The following PDE1A variants were observed in gnomAD, a reference collection of about 807,000 sequenced individuals.
PDE1A encodes the protein phosphodiesterase 1A, also known as dual specificity calcium/calmodulin-dependent 3',5'-cyclic nucleotide phosphodiesterase 1A.
Under a neutral mutation model 61.7 loss-of-function variants are expected in PDE1A, and 35 were observed. The observed-to-expected ratio is 0.57, with a 90% confidence interval of 0.43 to 0.75. The LOEUF (loss-of-function observed/expected upper bound fraction) is 0.75. Among genes scored for constraint, PDE1A ranks in the 30% least tolerant of loss-of-function variants. PDE1A has a pLI of 0.00. For synonymous variants in PDE1A, 232 were observed against 213.2 expected (o/e 1.09, Z -0.77); for missense variants, 597 against 630.6 (o/e 0.95, Z 0.57).
chr2:182,428,678 A>G (rs1459393795), upstream of PDE1A, among the ~76,000 whole-genome samples: 1 of 152,140 alleles, frequency 6.6e-6, no homozygotes, highest in African/African-American at 2.4e-5. Flanking sequence ...CATAAGAAAT[A>G]ACACATTGTA....
intron 1 of PDE1A, among the ~76,000 whole-genome samples, chr2:182,334,488 C>T (rs1184190651): frequency 2.6e-5 from 4 of 152,112 alleles, no homozygotes; most frequent in East Asian, 1.9e-4. Flanking sequence ...AATCAATAAA[C>T]GTAATCCATC....
chr2:182,445,313 G>T (rs1685063575), intron 2 of PDE1A, among the ~76,000 whole-genome samples: 1 of 152,066 alleles, frequency 6.6e-6, no homozygotes, highest in African/African-American at 2.4e-5. Context: ...GCTTTTTATT[G>T]ATAGAAAAAC....
intron 2 of PDE1A, among the ~76,000 whole-genome samples, chr2:182,449,047 CAT>C (rs1018298604): frequency 1.7e-5 from 2 of 120,620 alleles, no homozygotes; most frequent in African/African-American, 6.5e-5. Flanking sequence ...ACATCATACA[CAT>C]ACACACACAC....
the PDE1A span, among the ~76,000 whole-genome samples, chr2:182,672,096 G>T: frequency 6.6e-6 from 1 of 152,166 alleles, no homozygotes; most frequent in South Asian, 2.1e-4. Flanking sequence ...ATTTTTAAAT[G>T]GTATGATTTT....
intron 2 of PDE1A, among the ~76,000 whole-genome samples, chr2:182,440,856 T>G (rs1049885131): frequency 1.3e-5 from 2 of 152,070 alleles, no homozygotes; most frequent in African/African-American, 4.8e-5. Flanking sequence ...CTGGTTTAAT[T>G]ACTGTAGCTT....
chr2:182,400,766 C>A (rs547899412), intron 1 of PDE1A, among the ~76,000 whole-genome samples: 25 of 152,274 alleles, frequency 1.6e-4, no homozygotes, highest in African/African-American at 5.8e-4. Context: ...CAGGGTAGGG[C>A]AAGAGAAGGA....
intron 1 of PDE1A, among the ~76,000 whole-genome samples, chr2:182,346,964 A>G (rs1262031798): frequency 6.6e-6 from 1 of 152,138 alleles, no homozygotes; most frequent in Non-Finnish European, 1.5e-5. Flanking sequence ...CTTTTCTTTC[A>G]TTTGGCAGCT....
In PDE1A at chr2:182,213,118, C is replaced by G. The variant is rs556103142; in HGVS notation, c.777-7053G>C. 3.2e-3 allele frequency among the ~76,000 whole-genome samples: 474 copies of G among 149,410 alleles called. 2 individuals carry two copies. The highest frequency in any genetic ancestry group is 0.011 in the African/African-American group (462 of 40,406). On this transcript the variant is annotated intron_variant, in intron 7 of 13. Transcript: ENST00000351439. Reference sequence around the variant, plus strand: ...AAGTGGGTCCCTGACCCCTGACCCCCGAGCAGCCTAACTGGGAGGCACCCC... The same window carrying G: ...AAGTGGGTCCCTGACCCCTGACCCCGGAGCAGCCTAACTGGGAGGCACCCC...
chr2:182,188,185 C>T (rs929866662), intron 11 of PDE1A, among the ~76,000 whole-genome samples: 8 of 152,164 alleles, frequency 5.3e-5, no homozygotes, highest in Non-Finnish European at 8.8e-5. Flanking sequence ...TAGCCTGCCA[C>T]GTTTACACTT....
At chr2:182,297,601 G>A (rs769477460) in intron 1 of PDE1A, among the ~76,000 whole-genome samples, 37 of 152,274 alleles carry the variant, frequency 2.4e-4, no homozygotes, top group Non-Finnish European at 4.6e-4. Context: ...ACACTAAGAC[G>A]TTAGATGTCA....
the PDE1A span, among the ~76,000 whole-genome samples, chr2:182,690,502 A>G: frequency 2.0e-5 from 3 of 152,198 alleles, no homozygotes; most frequent in Non-Finnish European, 2.9e-5. Context: ...AAAACTCTCA[A>G]TAAATTAGGT....
At chr2:182,257,217 C>G (rs1691884262) in intron 2 of PDE1A, among the ~76,000 whole-genome samples, 1 of 152,172 alleles carries the variant, frequency 6.6e-6, no homozygotes, top group African/African-American at 2.4e-5. Context: ...TTTAACTACC[C>G]TCCTGTTCCA....
At chr2:182,149,646 A>G (rs568683216) in intron 13 of PDE1A, among the ~76,000 whole-genome samples, 1 of 152,310 alleles carries the variant, frequency 6.6e-6, no homozygotes, top group South Asian at 2.1e-4. Flanking sequence ...TAACTTGGGC[A>G]GTACTGCTTG....
At chr2:182,422,986 C>T (rs891495946) in intron 1 of PDE1A, among the ~76,000 whole-genome samples, 32 of 152,156 alleles carry the variant, frequency 2.1e-4, no homozygotes, top group Non-Finnish European at 8.8e-5. Context: ...AAAGGAGCAT[C>T]GTGTTTTCTC....
At chr2:182,308,265 A>G (rs1189323926) in intron 1 of PDE1A, among the ~76,000 whole-genome samples, 2 of 152,166 alleles carry the variant, frequency 1.3e-5, no homozygotes, top group Admixed American at 1.3e-4. Context: ...TTCAAGGATA[A>G]TTCTATAATG....
chr2:182,273,265 G>T (rs185758564), intron 1 of PDE1A, among the ~76,000 whole-genome samples: 1 of 152,138 alleles, frequency 6.6e-6, no homozygotes, highest in African/African-American at 2.4e-5. Context: ...TTAGAAGTCA[G>T]ATCCTTTACT....
At chr2:182,599,314 C>T in the PDE1A span, among the ~76,000 whole-genome samples, 1 of 152,278 alleles carries the variant, frequency 6.6e-6, no homozygotes, top group Non-Finnish European at 1.5e-5. Context: ...CTCCATGTGG[C>T]CTGGGCTCCC....
At chr2:182,638,778 G>A in the PDE1A span, among the ~76,000 whole-genome samples, 4 of 152,176 alleles carry the variant, frequency 2.6e-5, no homozygotes, top group South Asian at 4.1e-4. Context: ...CCAGCCTAGC[G>A]CTTCTGGTAG....
At chr2:182,267,158 T>C (rs1559274407) in intron 1 of PDE1A, among the ~76,000 whole-genome samples, 1 of 152,102 alleles carries the variant, frequency 6.6e-6, no homozygotes, top group Non-Finnish European at 1.5e-5. Context: ...ATTCATCCCA[T>C]CTGCAACTAT....
Sources: gnomAD v4.1 joint callset for allele counts (sites outside exome capture counted in the v4.1 genomes callset) on GRCh38, gnomAD v4.1.1 for gene constraint, MANE v1.5 for transcripts, NCBI Gene and HGNC (gene_info 2026-07-23, HGNC 2026-07-21) for gene names.